The following SLAIN2 variants were observed in gnomAD, a reference collection of about 807,000 sequenced individuals.
SLAIN2 encodes SLAIN motif-containing protein 2.
A neutral mutation model predicts 56.6 loss-of-function variants in SLAIN2; 31 were observed. The observed-to-expected ratio is 0.55, with a 90% CI of 0.41 to 0.74. The LOEUF is 0.74. Among genes scored for constraint, SLAIN2 ranks in the 30% least tolerant of loss-of-function variants. SLAIN2 has a pLI of 0.00. For missense variants in SLAIN2, 777 were observed against 754.2 expected (o/e 1.03, Z -0.35); for synonymous variants, 317 against 284.9 (o/e 1.11, Z -1.13).
At chr4:48,365,444 CAAAAAAAA>C (rs34317951) in intron 1 of SLAIN2, among the ~76,000 whole-genome samples, 1 of 56,988 alleles carries the variant, frequency 1.8e-5, no homozygotes. Flanking sequence ...GACTCCATCT[CAAAAAAAA>C]AAAAAAAAAA....
chr4:48,410,262 TTGTCTC>T (rs1425020809), intron 6 of SLAIN2, among the ~76,000 whole-genome samples: 1 of 151,680 alleles, frequency 6.6e-6, no homozygotes, highest in African/African-American at 2.4e-5. Flanking sequence ...TTCAAATTCT[TTGTCTC>T]TGTTTTTTTA....
At chr4:48,400,766 C>A (rs1041274088) in intron 6 of SLAIN2, among the ~76,000 whole-genome samples, 1 of 151,512 alleles carries the variant, frequency 6.6e-6, no homozygotes, top group Non-Finnish European at 1.5e-5. Context: ...CTTCTAAATT[C>A]GTTTGTTTGT....
At chr4:48,398,939 G>A (rs1172876764) in intron 6 of SLAIN2, among the ~76,000 whole-genome samples, 9 of 152,160 alleles carry the variant, frequency 5.9e-5, no homozygotes, top group Admixed American at 4.6e-4. Flanking sequence ...GATGCTTCCA[G>A]CGTTGTTCTT....
intron 6 of SLAIN2, among the ~76,000 whole-genome samples, chr4:48,409,774 C>T (rs112841715): frequency 0.021 from 3,162 of 152,102 alleles, 117 homozygotes; most frequent in African/African-American, 0.072. Flanking sequence ...ACCTCAGCTA[C>T]CCGGAAGGCT....
At chr4:48,347,794 A>G (rs1171615750) in intron 1 of SLAIN2, among the ~76,000 whole-genome samples, 1 of 152,204 alleles carries the variant, frequency 6.6e-6, no homozygotes, top group Non-Finnish European at 1.5e-5. Context: ...AGCCCCTGGC[A>G]ACTACCATTC....
intron 2 of SLAIN2, among the ~76,000 whole-genome samples, chr4:48,376,934 T>A (rs895991541): frequency 4.4e-5 from 6 of 136,556 alleles, no homozygotes; most frequent in Middle Eastern, 3.7e-3. Context: ...TTTTTTTTTT[T>A]AAGGATTTCC....
intron 1 of SLAIN2, among the ~76,000 whole-genome samples, chr4:48,363,809 T>C (rs1159836475): frequency 1.4e-4 from 13 of 91,692 alleles, no homozygotes; most frequent in African/African-American, 2.6e-4. Context: ...GACCCCCGCA[T>C]CTCCCTCCCG....
intron 6 of SLAIN2, among the ~76,000 whole-genome samples, chr4:48,416,457 T>G (rs1716997145): frequency 7.3e-6 from 1 of 136,676 alleles, no homozygotes; most frequent in Non-Finnish European, 1.6e-5. Context: ...AAGGAGATTT[T>G]GGGCTGAGAC....
intron 1 of SLAIN2, among the ~76,000 whole-genome samples, chr4:48,356,463 A>G (rs1715159360): frequency 6.6e-6 from 1 of 152,194 alleles, no homozygotes; most frequent in Non-Finnish European, 1.5e-5. Flanking sequence ...GATATGTACT[A>G]GTAGCTGAAA....
intron 1 of SLAIN2, among the ~76,000 whole-genome samples, chr4:48,350,358 C>G (rs1349159464): frequency 6.6e-6 from 1 of 152,220 alleles, no homozygotes; most frequent in Non-Finnish European, 1.5e-5. Context: ...CAGACCCCTG[C>G]CTCCTTACCC....
intron 6 of SLAIN2, among the ~76,000 whole-genome samples, chr4:48,402,199 A>ATT (rs199541905): frequency 7.3e-5 from 8 of 110,028 alleles, no homozygotes; most frequent in Middle Eastern, 4.7e-3. Context: ...GGCTGCCCTT[A>ATT]ATTTTTTTTT....
At chr4:48,367,938 C>G (rs1439625019) in intron 1 of SLAIN2, among the ~76,000 whole-genome samples, 1 of 152,014 alleles carries the variant, frequency 6.6e-6, no homozygotes, top group Non-Finnish European at 1.5e-5. Flanking sequence ...ATTCCTACCT[C>G]CAGCCCTAGG....
intron 6 of SLAIN2, among the ~76,000 whole-genome samples, chr4:48,384,770 A>G (rs1716060078): frequency 6.6e-6 from 1 of 152,228 alleles, no homozygotes; most frequent in South Asian, 2.1e-4. Flanking sequence ...AAATCAATAC[A>G]GGCATTTCTA....
At position 48,350,847 on chromosome 4, in the gene SLAIN2, GA is replaced by G. The variant is rs568918413; in HGVS notation, c.389+8726del. Reference sequence around the variant, plus strand: ...TAAAATAGAAATTAGAGACTTTAGAGAAAAAAATATTGATTCTATCTCCTTG... The same window carrying G: ...TAAAATAGAAATTAGAGACTTTAGAGAAAAAATATTGATTCTATCTCCTTG... On this transcript the variant is annotated intron_variant, in intron 1 of 7. Transcript: ENST00000264313. Among the ~76,000 whole-genome samples, 190 of 152,128 alleles carry G rather than the reference GA, an allele frequency of 1.2e-3. 1 individual carries two copies. Among genetic ancestry groups the G allele is most frequent in the African/African-American group, 4.0e-3 (166 of 41,536 alleles).
intron 1 of SLAIN2, among the ~76,000 whole-genome samples, chr4:48,351,901 A>G (rs1715017271): frequency 6.6e-6 from 1 of 152,226 alleles, no homozygotes; most frequent in South Asian, 2.1e-4. Context: ...ATTTGGGCAC[A>G]CATGGAAAGG....
chr4:48,372,497 T>A (rs1320114098), intron 2 of SLAIN2, among the ~76,000 whole-genome samples: 1 of 152,240 alleles, frequency 6.6e-6, no homozygotes, highest in African/African-American at 2.4e-5. Context: ...AGATTTGGCC[T>A]GAAGGCTATA....
At chr4:48,380,651 G>T (rs1055490257) in intron 4 of SLAIN2, among the ~76,000 whole-genome samples, 1 of 152,142 alleles carries the variant, frequency 6.6e-6, no homozygotes, top group Non-Finnish European at 1.5e-5. Flanking sequence ...TCTTGCCAGT[G>T]CATTTCATTA....
intron 1 of SLAIN2, among the ~76,000 whole-genome samples, chr4:48,358,975 C>G (rs1264146141): frequency 6.6e-6 from 1 of 151,528 alleles, no homozygotes; most frequent in Non-Finnish European, 1.5e-5. Context: ...CCTGCCTCAG[C>G]CTCCCAAAGT....
At chr4:48,399,285 C>G (rs796738520) in intron 6 of SLAIN2, among the ~76,000 whole-genome samples, 11 of 152,216 alleles carry the variant, frequency 7.2e-5, no homozygotes, top group African/African-American at 2.6e-4. Flanking sequence ...GGAGACCATT[C>G]ATGATTTGGC....
Sources: gnomAD v4.1 joint callset for allele counts (sites outside exome capture counted in the v4.1 genomes callset) on GRCh38, gnomAD v4.1.1 for gene constraint, MANE v1.5 for transcripts, NCBI Gene and HGNC (gene_info 2026-07-23, HGNC 2026-07-21) for gene names.